The following GREB1L variants were observed in gnomAD, a reference collection of about 807,000 sequenced individuals.
The protein encoded by GREB1L is GREB1 like retinoic acid receptor coactivator.
A neutral mutation model predicts 200.8 loss-of-function variants in GREB1L; 17 were observed. That is an observed-to-expected ratio of 0.08 (90% CI 0.06 to 0.13). GREB1L has a LOEUF of 0.13. Among genes scored for constraint, GREB1L ranks in the 10% least tolerant of loss-of-function variants. GREB1L has a pLI of 1.00. For synonymous variants in GREB1L, 789 were observed against 893.0 expected (o/e 0.88, Z 2.08); for missense variants, 1,657 against 2,367.7 (o/e 0.70, Z 6.23).
At chr18:21,340,823 G>A (rs773113094) in intron 1 of GREB1L, among the ~76,000 whole-genome samples, 16 of 152,072 alleles carry the variant, frequency 1.1e-4, no homozygotes, top group East Asian at 1.9e-4. Context: ...GATTACAGGC[G>A]TTGAGCCACC....
chr18:21,477,189 A>G lies in GREB1L; in HGVS notation c.2389A>G (p.Ser797Gly), dbSNP rs948043338. 1.9e-6 allele frequency: 3 copies of G among 1,551,730 alleles called. No homozygotes were observed. Among genetic ancestry groups the G allele is most frequent in the Non-Finnish European group, 2.6e-6 (3 of 1,146,952 alleles). ...TGTCATTTCAGGCTCTTTGTCACAT[A>G]GCGAACCCAGTCATGGGCTAGCTGA... ...TSVISGSLSH[S>G]EPSHGLADRV... Residue 797 changes from serine to glycine, a missense_variant, in exon 17 of 33, where the codon AGC becomes GGC. By Grantham distance (56) the Ser-to-Gly change is moderately conservative. Transcript: ENST00000424526.
At chr18:21,402,975 A>C (rs1359093724) in intron 6 of GREB1L, among the ~76,000 whole-genome samples, 1 of 151,998 alleles carries the variant, frequency 6.6e-6, no homozygotes, top group African/African-American at 2.4e-5. Flanking sequence ...TATTGGAGAT[A>C]AGCTCTTAGG....
chr18:21,281,967 T>C (rs1236956672), intron 1 of GREB1L, among the ~76,000 whole-genome samples: 2 of 152,172 alleles, frequency 1.3e-5, no homozygotes, highest in African/African-American at 4.8e-5. Flanking sequence ...TATAAATATC[T>C]GTTCACTTAA....
At chr18:21,450,345 A>G (rs976669166) in intron 12 of GREB1L, among the ~76,000 whole-genome samples, 1 of 152,010 alleles carries the variant, frequency 6.6e-6, no homozygotes. Flanking sequence ...CACTGTGCAG[A>G]TTTTCTATCA....
intron 5 of GREB1L, among the ~76,000 whole-genome samples, chr18:21,398,096 C>T (rs529657004): frequency 6.6e-6 from 1 of 152,212 alleles, no homozygotes; most frequent in African/African-American, 2.4e-5. Context: ...ACTAGAGAAT[C>T]CTCTTAGAAT....
chr18:21,442,367 G>A (rs1230737375), intron 10 of GREB1L, among the ~76,000 whole-genome samples: 1 of 152,194 alleles, frequency 6.6e-6, no homozygotes, highest in African/African-American at 2.4e-5. Context: ...TGCCTAATTG[G>A]ATGGTTTTGC....
At chr18:21,334,110 A>G (rs572771117) in intron 1 of GREB1L, among the ~76,000 whole-genome samples, 1 of 152,326 alleles carries the variant, frequency 6.6e-6, no homozygotes, top group East Asian at 1.9e-4. Flanking sequence ...ATAAAAATGA[A>G]CTATTACATT....
intron 1 of GREB1L, among the ~76,000 whole-genome samples, chr18:21,332,002 A>G (rs941803813): frequency 2.0e-5 from 3 of 152,164 alleles, no homozygotes; most frequent in Non-Finnish European, 4.4e-5. Flanking sequence ...AATATATTTC[A>G]TGGAACATAA....
intron 23 of GREB1L, among the ~76,000 whole-genome samples, chr18:21,504,457 G>A (rs1371181116): frequency 6.6e-6 from 1 of 152,200 alleles, no homozygotes; most frequent in Non-Finnish European, 1.5e-5. Context: ...GATTCCTTGA[G>A]CCCAGGAGTT....
chr18:21,522,623 G>A (rs1308816151), intron 32 of GREB1L, 35 bp from the exon 33 acceptor site: 79 of 1,466,974 alleles, frequency 5.4e-5, no homozygotes, highest in Non-Finnish European at 6.7e-5. Context: ...TTCAATCCCT[G>A]AGCCTAGGAC....
At chr18:21,304,782 G>C (rs185752606) in intron 1 of GREB1L, among the ~76,000 whole-genome samples, 1 of 152,102 alleles carries the variant, frequency 6.6e-6, no homozygotes, top group African/African-American at 2.4e-5. Context: ...TGAGAGGAGA[G>C]GGGGAATGGG....
intron 1 of GREB1L, among the ~76,000 whole-genome samples, chr18:21,364,260 C>T (rs1211702930): frequency 2.0e-5 from 3 of 151,996 alleles, no homozygotes; most frequent in Non-Finnish European, 2.9e-5. Flanking sequence ...TTTTCAGTAA[C>T]CTTCAACTTA....
At chr18:21,516,322 TC>T (rs1354458034) in intron 29 of GREB1L, among the ~76,000 whole-genome samples, 1 of 152,222 alleles carries the variant, frequency 6.6e-6, no homozygotes, top group Non-Finnish European at 1.5e-5. Context: ...ACCTCTGCAT[TC>T]CTGTTTTGCC....
At chr18:21,483,111 C>T (rs916294190) in intron 17 of GREB1L, among the ~76,000 whole-genome samples, 1 of 152,290 alleles carries the variant, frequency 6.6e-6, no homozygotes, top group South Asian at 2.1e-4. Context: ...TAGTTAATCA[C>T]AGGCCATCTA....
chr18:21,522,914 C>T lies in GREB1L; in HGVS notation c.*93C>T. 8.5e-7 allele frequency: 1 copy of T among 1,175,940 alleles called. No individual in the cohort carries two copies. Among genetic ancestry groups the T allele is most frequent in the Non-Finnish European group, 1.2e-6 (1 of 855,354 alleles). 72.8% of individuals were successfully genotyped at this position (1,175,940 alleles called of 1,614,324 possible). On this transcript the variant is annotated 3_prime_UTR_variant, in exon 33 of 33. Transcript: ENST00000424526. ...TTCTTTTTCCTTTAAAGTACAATCA[C>T]TGTGGAGCAAAGTGCAACATATTTG...
chr18:21,330,169 G>A (rs1420721006), intron 1 of GREB1L, among the ~76,000 whole-genome samples: 5 of 152,230 alleles, frequency 3.3e-5, no homozygotes, highest in Non-Finnish European at 7.3e-5. Context: ...AAGCCCCAGA[G>A]TAGGGCCAGG....
At chr18:21,492,578 C>T (rs2145871929) in intron 19 of GREB1L, among the ~76,000 whole-genome samples, 1 of 152,252 alleles carries the variant, frequency 6.6e-6, no homozygotes, top group Admixed American at 6.5e-5. Flanking sequence ...AAATAATTTA[C>T]CCCTCTGGAC....
intron 1 of GREB1L, among the ~76,000 whole-genome samples, chr18:21,336,576 G>A (rs2039188533): frequency 6.6e-6 from 1 of 152,212 alleles, no homozygotes; most frequent in Non-Finnish European, 1.5e-5. Context: ...CAGTAATGCT[G>A]CAAGGAAACT....
intron 1 of GREB1L, among the ~76,000 whole-genome samples, chr18:21,318,510 C>G (rs2038906467): frequency 6.6e-6 from 1 of 152,122 alleles, no homozygotes; most frequent in African/African-American, 2.4e-5. Flanking sequence ...CAACAGGGCC[C>G]ACATCTATGG....
Sources: allele counts gnomAD v4.1 joint callset (sites outside exome capture counted in the v4.1 genomes callset), GRCh38; gene constraint gnomAD v4.1.1; transcripts MANE v1.5; gene names NCBI Gene and HGNC (gene_info 2026-07-23, HGNC 2026-07-21).